Variants in CDK17 observed in about 807,000 individuals in gnomAD.
CDK17 encodes the protein cyclin dependent kinase 17.
Under a neutral mutation model 77.6 loss-of-function variants are expected in CDK17, and 24 were observed. The observed-to-expected ratio is 0.31, with a 90% CI of 0.22 to 0.44. The LOEUF (loss-of-function observed/expected upper bound fraction) is 0.44. Ranked by LOEUF, CDK17 falls within the 20% of genes least tolerant of loss-of-function variation. The pLI is 1.00. For missense variants in CDK17, 429 were observed against 622.5 expected (o/e 0.69, Z 3.31); for synonymous variants, 203 against 210.4 (o/e 0.96, Z 0.30).
At chr12:96,393,715 A>G (rs1340463458) in intron 1 of CDK17, among the ~76,000 whole-genome samples, 1 of 152,124 alleles carries the variant, frequency 6.6e-6, no homozygotes, top group East Asian at 1.9e-4. Context: ...CCTGGGTGGC[A>G]GAGTGAGACC....
chr12:96,297,900 G>A (rs1235774510), intron 7 of CDK17, among the ~76,000 whole-genome samples, 179 bp from the exon 8 acceptor site: 1 of 150,012 alleles, frequency 6.7e-6, no homozygotes, highest in African/African-American at 2.5e-5. Flanking sequence ...GAGCCCAGGA[G>A]TTCAAGACCA....
At chr12:96,290,124 T>A (rs1161435206) in intron 10 of CDK17, among the ~76,000 whole-genome samples, 1 of 152,188 alleles carries the variant, frequency 6.6e-6, no homozygotes, top group African/African-American at 2.4e-5. Context: ...ATATGGCCCA[T>A]GGGCCATGGG....
chr12:96,348,523 CAA>C (rs35363324), intron 1 of CDK17, among the ~76,000 whole-genome samples: 21 of 66,336 alleles, frequency 3.2e-4, no homozygotes, highest in Middle Eastern at 8.8e-3. Context: ...GACTCTGTCT[CAA>C]AAAAAAAAAA....
intron 2 of CDK17, among the ~76,000 whole-genome samples, chr12:96,330,930 T>C (rs1425197546): frequency 6.6e-6 from 1 of 152,068 alleles, no homozygotes; most frequent in African/African-American, 2.4e-5. Context: ...TGAGGTAAAT[T>C]AATTTTTGAC....
intron 2 of CDK17, among the ~76,000 whole-genome samples, chr12:96,324,971 A>G (rs969195623): frequency 2.6e-5 from 4 of 152,150 alleles, no homozygotes; most frequent in African/African-American, 4.8e-5. Context: ...GTTTTTAAAC[A>G]ATCACAGACC....
chr12:96,342,030 C>T (rs982149020), intron 1 of CDK17, among the ~76,000 whole-genome samples: 7 of 152,092 alleles, frequency 4.6e-5, no homozygotes, highest in Non-Finnish European at 8.8e-5. Flanking sequence ...ATAAGCAAAA[C>T]ATACACGTAG....
At chr12:96,300,211 G>T in intron 6 of CDK17, 93 bp downstream of exon 6, 1 of 852,702 alleles carries the variant, frequency 1.2e-6, no homozygotes, top group Non-Finnish European at 2.0e-6. Context: ...CAGTACTTAC[G>T]TTTTTTCCAG....
intron 1 of CDK17, among the ~76,000 whole-genome samples, chr12:96,349,010 A>G: frequency 6.6e-6 from 1 of 152,234 alleles, no homozygotes; most frequent in East Asian, 1.9e-4. Context: ...AAATTTTACA[A>G]GTCAGTATCC....
intron 3 of CDK17, among the ~76,000 whole-genome samples, chr12:96,320,052 G>T (rs577666546): frequency 1.3e-5 from 2 of 152,090 alleles, no homozygotes; most frequent in South Asian, 4.1e-4. Context: ...AAACCCCATC[G>T]TCTCAGCCCA....
chr12:96,334,853 G>T lies in CDK17; in HGVS notation c.-17C>A, dbSNP rs780818384. 6.1e-6 allele frequency: 8 copies of T among 1,304,174 alleles called. No individual in the cohort carries two copies. The South Asian group carries it at 8.4e-5, about 14-fold the overall frequency. The allele number at this position is 1,304,174 out of a possible 1,614,324, so 80.8% of individuals were successfully genotyped here. A position where few individuals can be genotyped will look rare whatever the true frequency, so the allele number is the denominator to read the frequency against. The stretch of plus-strand genomic sequence containing the variant: ...TTTTTTCATCCTATCAATTGAATGT[G>T]GCTTGAAAAATCCTGAAAGAAAAGA... On this transcript the variant is annotated 5_prime_UTR_variant, in exon 2 of 17. Coordinates refer to ENST00000261211, the MANE Select transcript of CDK17 (RefSeq NM_002595.5).
chr12:96,395,148 A>T (rs1954147836), intron 1 of CDK17, among the ~76,000 whole-genome samples: 1 of 152,252 alleles, frequency 6.6e-6, no homozygotes, highest in East Asian at 1.9e-4. Context: ...TGCTGGGATT[A>T]CAGGCGTGAG....
At chr12:96,364,204 T>A (rs1953545946) in intron 1 of CDK17, among the ~76,000 whole-genome samples, 1 of 152,228 alleles carries the variant, frequency 6.6e-6, no homozygotes, top group Admixed American at 6.5e-5. Flanking sequence ...AATACTGTAA[T>A]TAAATTTGCT....
intron 5 of CDK17, chr12:96,303,200 A>G (rs1952531727): frequency 6.6e-6 from 1 of 152,196 alleles, no homozygotes; most frequent in Non-Finnish European, 1.5e-5. Flanking sequence ...ACATTTACCC[A>G]GCACAATGTT....
chr12:96,327,007 G>A (rs1399319653), intron 2 of CDK17, among the ~76,000 whole-genome samples: 9 of 152,200 alleles, frequency 5.9e-5, no homozygotes, highest in Admixed American at 5.9e-4. Context: ...AGGAGGTAAG[G>A]GGGTAGGGAA....
chr12:96,377,993 CAGA>C lies in CDK17; in HGVS notation c.-30+21990_-30+21992del, dbSNP rs1260256469. Among the ~76,000 whole-genome samples, 3 of 152,232 alleles carry C rather than the reference CAGA, an allele frequency of 2.0e-5. No individual in the cohort carries two copies. The East Asian group carries it at 5.8e-4, about 29-fold the overall frequency. ...CAGGCGTGAGCCACTGCGCCCGGCC[CAGA>C]AGCAGTTTTTTAAAAGTGAACTTTT... On this transcript the variant is annotated intron_variant, in intron 1 of 16. Coordinates refer to ENST00000261211, the MANE Select transcript of CDK17 (RefSeq NM_002595.5).
At position 96,322,614 on chromosome 12, in the gene CDK17, C is replaced by G. The variant is rs1952836929; in HGVS notation, c.283+1334G>C. Among the ~76,000 whole-genome samples, 4 of 151,944 alleles carry G rather than the reference C, an allele frequency of 2.6e-5. No individual in the cohort carries two copies. The South Asian group carries it at 8.3e-4, about 31-fold the overall frequency. Reference sequence around the variant, plus strand: ...ACTTCAGGCTACCAACATGACAACACTGAACATATGGTTGGGAAGAAATGT... The same window carrying G: ...ACTTCAGGCTACCAACATGACAACAGTGAACATATGGTTGGGAAGAAATGT... On this transcript the variant is annotated intron_variant, in intron 3 of 16. Transcript: ENST00000261211.
At chr12:96,311,265 G>C in intron 4 of CDK17, 88 bp from the exon 5 acceptor site, 1 of 1,115,084 alleles carries the variant, frequency 9.0e-7, no homozygotes, top group Non-Finnish European at 1.2e-6. Context: ...ATTTCTTAGT[G>C]ATAAGTAATT....
intron 1 of CDK17, among the ~76,000 whole-genome samples, chr12:96,351,210 CTGATGCA>C (rs1953306717): frequency 6.6e-6 from 1 of 152,056 alleles, no homozygotes; most frequent in Non-Finnish European, 1.5e-5. Context: ...AACTGGAACA[CTGATGCA>C]ACTGTAAAAT....
intron 5 of CDK17, 32 bp from the exon 6 acceptor site, chr12:96,300,392 T>C: frequency 1.5e-6 from 2 of 1,292,738 alleles, no homozygotes; most frequent in East Asian, 2.3e-5. Context: ...ATGTAGTATT[T>C]ACTTTTTTTT....
Sources: gnomAD v4.1 joint callset for allele counts (sites outside exome capture counted in the v4.1 genomes callset) on GRCh38, gnomAD v4.1.1 for gene constraint, MANE v1.5 for transcripts, NCBI Gene and HGNC (gene_info 2026-07-23, HGNC 2026-07-21) for gene names.